PLCL2: variants seen among roughly 807,000 people sequenced by gnomAD.
PLCL2 encodes phospholipase C like 2.
Under a neutral mutation model 79.6 loss-of-function variants are expected in PLCL2, and 4 were observed. The observed-to-expected ratio is 0.05, with a 90% CI of 0.02 to 0.11. PLCL2 has a LOEUF of 0.11. PLCL2 is among the 10% of genes least tolerant of loss of function. PLCL2 has a pLI of 1.00. For synonymous variants in PLCL2, 484 were observed against 457.7 expected (o/e 1.06, Z -0.73); for missense variants, 895 against 1,291.0 (o/e 0.69, Z 4.70).
intron 5 of PLCL2, among the ~76,000 whole-genome samples, chr3:17,072,670 G>GAAAAA (rs547845475): frequency 1.3e-4 from 10 of 77,076 alleles, no homozygotes; most frequent in African/African-American, 3.9e-4. Context: ...CTGTCTCAAA[G>GAAAAA]AAAAAAAAAA....
intron 1 of PLCL2, among the ~76,000 whole-genome samples, chr3:16,950,512 T>C (rs1575547285): frequency 6.6e-6 from 1 of 152,254 alleles, no homozygotes; most frequent in African/African-American, 2.4e-5. Flanking sequence ...TAGCTCTTCA[T>C]GTAGAGATTT....
At chr3:17,004,707 T>G (rs1375434340) in intron 1 of PLCL2, among the ~76,000 whole-genome samples, 1 of 152,156 alleles carries the variant, frequency 6.6e-6, no homozygotes, top group Non-Finnish European at 1.5e-5. Flanking sequence ...AATTCAGAGT[T>G]ATTGTTATTG....
chr3:16,956,654 G>C (rs2063708810), intron 1 of PLCL2, among the ~76,000 whole-genome samples: 1 of 152,024 alleles, frequency 6.6e-6, no homozygotes, highest in Non-Finnish European at 1.5e-5. Flanking sequence ...GAATCCATCT[G>C]GTCCTGGACT....
At chr3:16,980,101 A>AC (rs2063969052) in intron 1 of PLCL2, among the ~76,000 whole-genome samples, 2 of 25,092 alleles carry the variant, frequency 8.0e-5, no homozygotes, top group African/African-American at 1.6e-4. Flanking sequence ...GGGGCTGACC[A>AC]CCCCACCTCC....
At chr3:16,958,234 G>A (rs1180541712) in intron 1 of PLCL2, among the ~76,000 whole-genome samples, 10 of 151,996 alleles carry the variant, frequency 6.6e-5, no homozygotes, top group African/African-American at 2.4e-4. Flanking sequence ...GTTTAGCTAC[G>A]ATAAAACTTT....
At chr3:16,894,660 T>C (rs1696430837) in intron 1 of PLCL2, among the ~76,000 whole-genome samples, 1 of 152,200 alleles carries the variant, frequency 6.6e-6, no homozygotes, top group Admixed American at 6.5e-5. Context: ...TATGTAATGG[T>C]ACTTCACTGT....
At chr3:17,061,784 A>G (rs982869774) in intron 4 of PLCL2, among the ~76,000 whole-genome samples, 1 of 152,212 alleles carries the variant, frequency 6.6e-6, no homozygotes, top group African/African-American at 2.4e-5. Flanking sequence ...CAAAAGTTAC[A>G]TGATTTGGGC....
intron 4 of PLCL2, among the ~76,000 whole-genome samples, chr3:17,050,236 GAA>G (rs1404433702): frequency 6.6e-6 from 1 of 152,096 alleles, no homozygotes; most frequent in Non-Finnish European, 1.5e-5. Context: ...AAACATTGGG[GAA>G]ACTTTCCAGG....
chr3:16,989,325 G>A lies in PLCL2; in HGVS notation c.328-20349G>A, dbSNP rs140595813. ...TGAATTTGGAATTAAAATATGACAA[G>A]TCCTTGCCCTTAAAAAGCTTATCAT... On this transcript the variant is annotated intron_variant, in intron 1 of 5. Coordinates refer to ENST00000615277, the MANE Select transcript of PLCL2 (RefSeq NM_001144382.2). Among the ~76,000 whole-genome samples the A allele has an allele frequency of 3.5e-3, 527 of 152,228 alleles. 3 individuals carry two copies. Among genetic ancestry groups the A allele is most frequent in the African/African-American group, 0.012 (493 of 41,498 alleles).
chr3:16,959,101 C>T lies in PLCL2; in HGVS notation c.328-50573C>T, dbSNP rs952458462. Among the ~76,000 whole-genome samples the T allele has an allele frequency of 5.9e-5, 9 of 152,174 alleles. 1 individual carries two copies. Among genetic ancestry groups the T allele is most frequent in the Admixed American group, 5.9e-4 (9 of 15,278 alleles). ...TTCACCTGTGTTTGACAGTGTCTCCCTTTTCCACTGCAGCTCCTGCTTCCA... is the reference window on the plus strand; with the variant it reads ...TTCACCTGTGTTTGACAGTGTCTCCTTTTTCCACTGCAGCTCCTGCTTCCA... On this transcript the variant is annotated intron_variant, in intron 1 of 5. Coordinates refer to ENST00000615277, the MANE Select transcript of PLCL2 (RefSeq NM_001144382.2).
chr3:16,977,412 A>G (rs961631422), intron 1 of PLCL2, among the ~76,000 whole-genome samples: 1 of 152,124 alleles, frequency 6.6e-6, no homozygotes. Context: ...CTCTGGAAGC[A>G]TTTTCACTCT....
chr3:16,947,444 G>T (rs754176039), intron 1 of PLCL2, among the ~76,000 whole-genome samples: 36 of 152,190 alleles, frequency 2.4e-4, no homozygotes, highest in Non-Finnish European at 4.7e-4. Flanking sequence ...GAGGAATAAT[G>T]ATTCCTACTG....
intron 1 of PLCL2, among the ~76,000 whole-genome samples, chr3:16,992,759 T>C (rs2064117204): frequency 6.6e-6 from 1 of 152,176 alleles, no homozygotes; most frequent in Non-Finnish European, 1.5e-5. Context: ...AGGCTAAGGA[T>C]TGGATTAAGG....
In PLCL2 at chr3:17,009,699, G is replaced by T; in HGVS notation, c.353G>T (p.Arg118Leu). ...GATGGTACAAAACAGAAGAGGGAAC[G>T]GAAAAAGACAGTCTCATTCAGCAGC... ...IKDGTKQKRE[R>L]KKTVSFSSMP... is the part of the protein sequence containing the mutation. Residue 118 changes from arginine to leucine, a missense_variant, in exon 2 of 6, where the codon CGG becomes CTG. By Grantham distance (102) the Arg-to-Leu change is moderately radical. Coordinates refer to ENST00000615277, the MANE Select transcript of PLCL2 (RefSeq NM_001144382.2). This position sits in a 1 kb window ranked among gnomAD's most constrained non-coding sequence, Gnocchi z 4.0. 1 of 1,599,404 alleles carries T rather than the reference G, an allele frequency of 6.3e-7. No homozygotes were observed. The highest frequency in any genetic ancestry group is 8.6e-7 in the Non-Finnish European group (1 of 1,167,994).
intron 4 of PLCL2, among the ~76,000 whole-genome samples, chr3:17,046,086 A>G (rs1202093355): frequency 2.6e-5 from 4 of 152,128 alleles, no homozygotes; most frequent in Non-Finnish European, 5.9e-5. Flanking sequence ...CTGGGCCGCC[A>G]TGGGAGTGAG....
intron 5 of PLCL2, among the ~76,000 whole-genome samples, chr3:17,074,104 ACTAT>A (rs2065087564): frequency 6.6e-6 from 1 of 152,268 alleles, no homozygotes; most frequent in South Asian, 2.1e-4. Flanking sequence ...CAGAGGAATC[ACTAT>A]CTATGGCAGC....
At chr3:16,930,138 A>G (rs1482320956) in intron 1 of PLCL2, among the ~76,000 whole-genome samples, 2 of 152,286 alleles carry the variant, frequency 1.3e-5, no homozygotes, top group East Asian at 3.9e-4. Context: ...AAAGATTCCT[A>G]GTTTATTCCC....
rs150505879 is a variant in PLCL2 at position 17,013,716 on chromosome 3, C to G, written c.2815-992C>G. On this transcript the variant is annotated intron_variant, in intron 2 of 5. Transcript: ENST00000615277. Reference sequence around the variant, plus strand: ...AGGCCTGCAGGGCCTAGGTCCACCCCCTCTGCCCGCATGCCCGGCCTAGAC... The same window carrying G: ...AGGCCTGCAGGGCCTAGGTCCACCCGCTCTGCCCGCATGCCCGGCCTAGAC... 3.9e-3 allele frequency among the ~76,000 whole-genome samples: 592 copies of G among 152,356 alleles called. 4 individuals are homozygous for G. The highest frequency in any genetic ancestry group is 6.7e-3 in the Non-Finnish European group (459 of 68,024).
At chr3:17,004,466 G>T (rs985540764) in intron 1 of PLCL2, among the ~76,000 whole-genome samples, 2 of 152,060 alleles carry the variant, frequency 1.3e-5, no homozygotes, top group African/African-American at 4.8e-5. Context: ...GCAATAAAGG[G>T]CCTTTCCACA....
Sources: gnomAD v4.1 joint callset for allele counts (sites outside exome capture counted in the v4.1 genomes callset) on GRCh38, gnomAD v4.1.1 for gene constraint, Gnocchi (gnomAD v3.1) non-coding constraint, MANE v1.5 for transcripts, NCBI Gene and HGNC (gene_info 2026-07-23, HGNC 2026-07-21) for gene names.